The following STXBP5L variants were observed in gnomAD, a reference collection of about 807,000 sequenced individuals.
STXBP5L encodes the protein syntaxin binding protein 5L, also known as syntaxin-binding protein 5-like.
STXBP5L carries 65 observed loss-of-function variants against 144.5 expected under a neutral mutation model. The ratio of observed to expected loss-of-function variants is 0.45; its 90% CI spans 0.37 to 0.55. The LOEUF (loss-of-function observed/expected upper bound fraction) is 0.55. Among genes scored for constraint, STXBP5L ranks in the 20% least tolerant of loss-of-function variants. The probability of loss-of-function intolerance (pLI) is 0.00; values close to 1 mark genes in which losing one functional copy is unlikely to be tolerated. For synonymous variants in STXBP5L, 505 were observed against 469.6 expected (o/e 1.08, Z -0.97); for missense variants, 1,298 against 1,405.5 (o/e 0.92, Z 1.22).
chr3:121,077,747 G>T (rs574545495), intron 5 of STXBP5L, among the ~76,000 whole-genome samples: 4 of 152,088 alleles, frequency 2.6e-5, no homozygotes, highest in South Asian at 2.1e-4. Context: ...GGTTCTCCAC[G>T]TCCCCACTAG....
chr3:120,959,375 T>C (rs1938461849), intron 3 of STXBP5L, among the ~76,000 whole-genome samples: 2 of 152,208 alleles, frequency 1.3e-5, no homozygotes, highest in Non-Finnish European at 2.9e-5. Context: ...TACCAATGAC[T>C]TTCTTCACAG....
chr3:121,171,987 G>T (rs906208206), intron 9 of STXBP5L, among the ~76,000 whole-genome samples: 1 of 152,106 alleles, frequency 6.6e-6, no homozygotes, highest in Non-Finnish European at 1.5e-5. Flanking sequence ...CAGCATGGTA[G>T]TGGTACCAAA....
intron 2 of STXBP5L, among the ~76,000 whole-genome samples, chr3:120,916,431 G>A (rs1471429391): frequency 6.6e-6 from 1 of 151,968 alleles, no homozygotes; most frequent in East Asian, 1.9e-4. Flanking sequence ...TTCCCAAGTA[G>A]CTGGGATTAC....
chr3:121,260,799 A>G (rs1171719005), intron 18 of STXBP5L, among the ~76,000 whole-genome samples: 2 of 152,140 alleles, frequency 1.3e-5, no homozygotes, highest in Non-Finnish European at 2.9e-5. Flanking sequence ...TAAGGAGTCC[A>G]TGGAAAAAAG....
chr3:121,181,550 A>T (rs1181077349), intron 9 of STXBP5L, among the ~76,000 whole-genome samples: 5 of 152,198 alleles, frequency 3.3e-5, no homozygotes, highest in African/African-American at 1.2e-4. Context: ...CCTGGCCAAC[A>T]TGGTGAAACC....
intron 9 of STXBP5L, among the ~76,000 whole-genome samples, chr3:121,169,120 C>G (rs2046609891): frequency 6.6e-6 from 1 of 152,116 alleles, no homozygotes; most frequent in Admixed American, 6.6e-5. Context: ...AATAAAATCA[C>G]TTACAGACAA....
intron 19 of STXBP5L, among the ~76,000 whole-genome samples, chr3:121,307,604 G>A (rs2043380712): frequency 6.6e-6 from 1 of 151,988 alleles, no homozygotes; most frequent in South Asian, 2.1e-4. Flanking sequence ...TTGAAAATAG[G>A]TTAATAGAGA....
Position 120,996,716 on chromosome 3 carries a change from A to C in STXBP5L, c.287+41679A>C, listed in dbSNP as rs531359810. On this transcript the variant is annotated intron_variant, in intron 3 of 26. Coordinates refer to ENST00000471454, the MANE Select transcript of STXBP5L (RefSeq NM_001308330.2). ...ATGTGTAATCACACACTGTTTTTCT[A>C]TCTGTGTCTGGAGTTTTTCACTTAT... Among the ~76,000 whole-genome samples, 7 of 152,120 alleles carry C rather than the reference A, an allele frequency of 4.6e-5. No homozygotes were observed. In the South Asian group the frequency reaches 1.0e-3, roughly 23 times the overall value.
At chr3:121,096,882 G>T (rs1190884590) in intron 5 of STXBP5L, among the ~76,000 whole-genome samples, 1 of 152,170 alleles carries the variant, frequency 6.6e-6, no homozygotes, top group Non-Finnish European at 1.5e-5. Context: ...TCTGCTGGGA[G>T]TCCACTGCTC....
chr3:121,282,189 C>T, intron 19 of STXBP5L: 1 of 1,331,466 alleles, frequency 7.5e-7, no homozygotes. Flanking sequence ...GGTATGATAT[C>T]ACTTCCTTTC....
rs116925007 is a variant in STXBP5L, at chr3:121,137,095, A to G, written c.670-15382A>G. Among the ~76,000 whole-genome samples, 110 of 152,278 alleles carry G rather than the reference A, an allele frequency of 7.2e-4. 1 individual carries two copies. In the East Asian group the frequency reaches 0.019, roughly 26 times the overall value. On this transcript the variant is annotated intron_variant, in intron 7 of 26. Coordinates refer to ENST00000471454, the MANE Select transcript of STXBP5L (RefSeq NM_001308330.2). ...CTATTTTAGGGTGGAGGGTGGGAGG[A>G]GGGTGAGGATTGAAAAACTACCTAT...
intron 3 of STXBP5L, 25 bp downstream of exon 3, chr3:120,955,062 T>G (rs762165897): frequency 4.0e-6 from 6 of 1,498,236 alleles, no homozygotes; most frequent in Non-Finnish European, 5.6e-6. Context: ...TGGTTCATTA[T>G]CTGCCACAGT....
At chr3:120,964,445 G>A (rs766766051) in intron 3 of STXBP5L, among the ~76,000 whole-genome samples, 1 of 152,134 alleles carries the variant, frequency 6.6e-6, no homozygotes, top group Non-Finnish European at 1.5e-5. Flanking sequence ...CTGCTTAAAT[G>A]TGTCCCAGAG....
intron 19 of STXBP5L, among the ~76,000 whole-genome samples, chr3:121,316,786 C>T (rs755160155): frequency 6.6e-6 from 1 of 152,168 alleles, no homozygotes; most frequent in African/African-American, 2.4e-5. Flanking sequence ...AAACACCCAC[C>T]TGTTAAATGG....
intron 5 of STXBP5L, among the ~76,000 whole-genome samples, chr3:121,105,438 C>T (rs2043652606): frequency 7.2e-6 from 1 of 138,126 alleles, no homozygotes; most frequent in Non-Finnish European, 1.5e-5. Context: ...GTACAAGTGG[C>T]CAAGAAACAT....
At position 121,312,288 on chromosome 3, in the gene STXBP5L, G is replaced by T. The variant is rs2043559058; in HGVS notation, c.2111-6187G>T. The stretch of plus-strand genomic sequence containing the variant: ...CATTCAGGACATAGGCATGGGCAAG[G>T]ACTTCATGTCTAAAACACCAAAAGC... On this transcript the variant is annotated intron_variant, in intron 19 of 26. Transcript: ENST00000471454. Among the ~76,000 whole-genome samples, 3 of 150,136 alleles carry T rather than the reference G, an allele frequency of 2.0e-5. No individual in the cohort carries two copies. The South Asian group carries it at 6.3e-4, about 32-fold the overall frequency.
intron 5 of STXBP5L, among the ~76,000 whole-genome samples, chr3:121,078,323 A>C (rs1215069090): frequency 6.6e-6 from 1 of 151,550 alleles, no homozygotes; most frequent in East Asian, 1.9e-4. Context: ...TGCATTCACA[A>C]ACCCTGAGCT....
chr3:121,214,456 T>C (rs1220671224), intron 10 of STXBP5L, among the ~76,000 whole-genome samples: 1 of 152,214 alleles, frequency 6.6e-6, no homozygotes, highest in African/African-American at 2.4e-5. Flanking sequence ...TGCCTTAATT[T>C]CATTATTTAC....
At chr3:121,321,188 T>A (rs2108536838) in intron 20 of STXBP5L, among the ~76,000 whole-genome samples, 1 of 152,334 alleles carries the variant, frequency 6.6e-6, no homozygotes, top group African/African-American at 2.4e-5. Flanking sequence ...GGTCCCACTC[T>A]TCTTTAGTAG....
Sources: gnomAD v4.1 joint callset for allele counts (sites outside exome capture counted in the v4.1 genomes callset) on GRCh38, gnomAD v4.1.1 for gene constraint, MANE v1.5 for transcripts, NCBI Gene and HGNC (gene_info 2026-07-23, HGNC 2026-07-21) for gene names.